Variants in FGF12 observed in about 807,000 individuals in gnomAD.
The protein encoded by FGF12 is fibroblast growth factor 12B.
FGF12 carries 14 observed loss-of-function variants against 23.6 expected under a neutral mutation model. That is an observed-to-expected ratio of 0.59 (90% confidence interval 0.39 to 0.93). FGF12 has a LOEUF of 0.93. FGF12 is among the 40% of genes least tolerant of loss of function. FGF12 has a pLI of 0.00. For missense variants in FGF12, 175 were observed against 217.8 expected (o/e 0.80, Z 1.24); for synonymous variants, 62 against 77.3 (o/e 0.80, Z 1.04).
chr3:192,695,043 CTA>C (rs975593109), intron 2 of FGF12, among the ~76,000 whole-genome samples: 14 of 151,932 alleles, frequency 9.2e-5, no homozygotes, highest in African/African-American at 2.9e-4. Flanking sequence ...AAAAAGATAA[CTA>C]TGTGAGACGA....
At chr3:192,600,225 C>A (rs1023388813) in intron 2 of FGF12, among the ~76,000 whole-genome samples, 33 of 151,580 alleles carry the variant, frequency 2.2e-4, no homozygotes, top group African/African-American at 7.8e-4. Flanking sequence ...ATTTCTGGAC[C>A]CTGTCATCTG....
At chr3:192,582,349 G>A (rs908859176) in intron 2 of FGF12, among the ~76,000 whole-genome samples, 1 of 152,060 alleles carries the variant, frequency 6.6e-6, no homozygotes, top group Non-Finnish European at 1.5e-5. Context: ...TAAAGGAGGG[G>A]AACTCTAACT....
intron 4 of FGF12, among the ~76,000 whole-genome samples, chr3:192,304,591 G>A (rs952295753): frequency 3.9e-5 from 6 of 151,914 alleles, no homozygotes; most frequent in African/African-American, 9.7e-5. Flanking sequence ...ACTTGCTTGC[G>A]GTAATATTTA....
chr3:192,655,248 C>T (rs1191383985), intron 2 of FGF12, among the ~76,000 whole-genome samples: 1 of 152,126 alleles, frequency 6.6e-6, no homozygotes, highest in Non-Finnish European at 1.5e-5. Context: ...CAACAATGTG[C>T]CCAGCTACAT....
intron 4 of FGF12, among the ~76,000 whole-genome samples, chr3:192,222,867 G>T: frequency 6.6e-6 from 1 of 151,938 alleles, no homozygotes; most frequent in Non-Finnish European, 1.5e-5. Context: ...TACTTATTCT[G>T]CAAAAACAAC....
At chr3:192,436,637 G>A (rs937568996) in intron 2 of FGF12, among the ~76,000 whole-genome samples, 1 of 152,180 alleles carries the variant, frequency 6.6e-6, no homozygotes, top group Non-Finnish European at 1.5e-5. Flanking sequence ...CAGCCACTGG[G>A]TTAGATTGCA....
At chr3:192,281,935 T>C (rs1465587529) in intron 4 of FGF12, among the ~76,000 whole-genome samples, 3 of 152,128 alleles carry the variant, frequency 2.0e-5, no homozygotes, top group Admixed American at 6.6e-5. Context: ...CAAAACTGTT[T>C]CCATAAATCT....
intron 2 of FGF12, among the ~76,000 whole-genome samples, chr3:192,685,431 A>AT (rs1717696702): frequency 6.6e-6 from 1 of 152,244 alleles, no homozygotes; most frequent in African/African-American, 2.4e-5. Context: ...CTCAACAAGC[A>AT]TTTGAGTGCT....
At chr3:192,512,242 C>T (rs1466002386) in intron 2 of FGF12, among the ~76,000 whole-genome samples, 1 of 151,814 alleles carries the variant, frequency 6.6e-6, no homozygotes, top group Non-Finnish European at 1.5e-5. Context: ...TATACATTTG[C>T]TCTGTGAAAA....
intron 4 of FGF12, among the ~76,000 whole-genome samples, chr3:192,239,702 A>G (rs1031308971): frequency 6.6e-6 from 1 of 152,206 alleles, no homozygotes; most frequent in African/African-American, 2.4e-5. Context: ...GCTGTTGGTG[A>G]GAATCTAACC....
At chr3:192,427,097 T>C (rs1375490800) in intron 2 of FGF12, among the ~76,000 whole-genome samples, 8 of 151,980 alleles carry the variant, frequency 5.3e-5, no homozygotes, top group Non-Finnish European at 5.9e-5. Context: ...AGTAGAAGAG[T>C]GTAGGCTGGG....
intron 2 of FGF12, among the ~76,000 whole-genome samples, chr3:192,621,613 G>GA (rs1054990320): frequency 1.7e-4 from 23 of 133,872 alleles, no homozygotes; most frequent in African/African-American, 5.6e-4. Flanking sequence ...TTATTGATGA[G>GA]AAAATTGTGT....
intron 2 of FGF12, among the ~76,000 whole-genome samples, chr3:192,703,652 G>A (rs1029295523): frequency 6.6e-6 from 1 of 152,154 alleles, no homozygotes; most frequent in Non-Finnish European, 1.5e-5. Flanking sequence ...CCTGTGATAT[G>A]GTTTGGTTCT....
At chr3:192,194,439 TAG>T (rs1329550163) in intron 4 of FGF12, among the ~76,000 whole-genome samples, 2 of 152,230 alleles carry the variant, frequency 1.3e-5, no homozygotes, top group African/African-American at 4.8e-5. Flanking sequence ...AACTGTGGCT[TAG>T]AGTCTAATTG....
intron 2 of FGF12, among the ~76,000 whole-genome samples, chr3:192,466,180 GTATCTAAACA>G (rs759255032): frequency 6.6e-6 from 1 of 152,140 alleles, no homozygotes; most frequent in Non-Finnish European, 1.5e-5. Flanking sequence ...AAGTATTAGT[GTATCTAAACA>G]TATCTAAACA....
intron 2 of FGF12, among the ~76,000 whole-genome samples, chr3:192,531,254 G>C (rs1244948762): frequency 6.6e-6 from 1 of 152,170 alleles, no homozygotes; most frequent in Non-Finnish European, 1.5e-5. Context: ...ATTATGATCA[G>C]TTTGGTTGTC....
At chr3:192,435,327 A>G (rs1721983456) in intron 2 of FGF12, among the ~76,000 whole-genome samples, 1 of 152,180 alleles carries the variant, frequency 6.6e-6, no homozygotes, top group African/African-American at 2.4e-5. Context: ...AATTACTGCT[A>G]AAGGAAATAC....
intron 2 of FGF12, among the ~76,000 whole-genome samples, chr3:192,506,302 C>T (rs1724292794): frequency 6.6e-6 from 1 of 152,178 alleles, no homozygotes; most frequent in Non-Finnish European, 1.5e-5. Context: ...TGTTTAGCTG[C>T]TACAGAAAAA....
chr3:192,180,933 G>A (rs1416489172), intron 4 of FGF12, among the ~76,000 whole-genome samples: 2 of 152,152 alleles, frequency 1.3e-5, no homozygotes, highest in Non-Finnish European at 2.9e-5. Flanking sequence ...CTGTGGTTTT[G>A]TGAAGCTGAA....
Sources: gnomAD v4.1 joint callset for allele counts (sites outside exome capture counted in the v4.1 genomes callset) on GRCh38, gnomAD v4.1.1 for gene constraint, MANE v1.5 for transcripts, NCBI Gene and HGNC (gene_info 2026-07-23, HGNC 2026-07-21) for gene names.